The following CRAT variants were observed in gnomAD, a reference collection of about 807,000 sequenced individuals.
The protein encoded by CRAT is carnitine acetylase.
CRAT carries 66 observed loss-of-function variants against 73.7 expected under a neutral mutation model. The observed-to-expected ratio is 0.90, with a 90% CI of 0.73 to 1.10. The LOEUF is 1.10. Ranked by LOEUF, CRAT falls within the 50% of genes least tolerant of loss-of-function variation. The pLI is 0.00. For synonymous variants in CRAT, 321 were observed against 343.2 expected (o/e 0.94, Z 0.71); for missense variants, 745 against 846.9 (o/e 0.88, Z 1.49).
At chr9:129,108,958 T>A (rs1848193369) in intron 1 of CRAT, 1 of 1,243,992 alleles carries the variant, frequency 8.0e-7, no homozygotes, top group South Asian at 1.4e-5. Flanking sequence ...GCAGTGGCGA[T>A]GGCTGTGGTG....
Position 129,110,437 on chromosome 9 carries a change from G to C in CRAT, c.27+46C>G. 1.3e-6 allele frequency: 2 copies of C among 1,528,166 alleles called. No homozygotes were observed. The highest frequency in any genetic ancestry group is 2.9e-5 in the African/African-American group (2 of 69,978). The allele number at this position is 1,528,166 out of a possible 1,614,324, so 94.7% of individuals were successfully genotyped here. On this transcript the variant is annotated intron_variant, in intron 1 of 13. Coordinates refer to ENST00000318080, the MANE Select transcript of CRAT (RefSeq NM_000755.5). The surrounding 1 kb of genome is among the most constrained non-coding windows in gnomAD (Gnocchi z 5.3). Reference sequence around the variant, plus strand: ...GTTCCCGGACGCAACCGCACGGCCCGCCCAGGCCGTCCAGGGCCCTCAGGC... The same window carrying C: ...GTTCCCGGACGCAACCGCACGGCCCCCCCAGGCCGTCCAGGGCCCTCAGGC...
chr9:129,102,972 C>CCTGGGCAGGTGTGGGG (rs1847780813), intron 4 of CRAT, 41 bp downstream of exon 4: 1 of 1,581,774 alleles, frequency 6.3e-7, no homozygotes, highest in Non-Finnish European at 8.7e-7. Flanking sequence ...ATTAAGCAGG[C>CCTGGGCAGGTGTGGGG]CTGGGCAGGT....
chr9:129,109,304 C>G (rs1363895044), intron 1 of CRAT: 9 of 1,300,672 alleles, frequency 6.9e-6, no homozygotes, highest in Non-Finnish European at 7.1e-6. Flanking sequence ...TGCAAGGGAG[C>G]AGACACCAGG....
rs959328458 is a variant in CRAT, at chr9:129,104,283, G to A, written c.315C>T (p.Thr105=). 4.3e-6 allele frequency: 7 copies of A among 1,613,300 alleles called. No individual in the cohort carries two copies. The highest frequency in any genetic ancestry group is 5.9e-6 in the Non-Finnish European group (7 of 1,179,738). ...CAGGCTGGCGGTACTGGAGGTAGGC[G>A]GTCTTGAGCCACCACTCAGACAGCT... ...ENWLSEWWLK[T]AYLQYRQPVV... is the part of the protein sequence containing the mutation. Residue 105 remains threonine (T), a synonymous_variant, in exon 3 of 14, where the codon ACC becomes ACT. Transcript: ENST00000318080.
At chr9:129,100,729 T>C in intron 6 of CRAT, 40 bp from the exon 7 acceptor site, 1 of 1,587,730 alleles carries the variant, frequency 6.3e-7, no homozygotes, top group Non-Finnish European at 8.6e-7. Flanking sequence ...AAATGGGGTC[T>C]CATGGTGTGG....
Position 129,106,570 on chromosome 9 carries a change from G to A in CRAT, c.291+1244C>T, listed in dbSNP as rs1848027448. Among the ~76,000 whole-genome samples the A allele has an allele frequency of 6.6e-6, 1 of 152,246 alleles. No homozygotes were observed. Among genetic ancestry groups the A allele is most frequent in the South Asian group, 2.1e-4 (1 of 4,828 alleles). On this transcript the variant is annotated intron_variant, in intron 2 of 13. Coordinates refer to ENST00000318080, the MANE Select transcript of CRAT (RefSeq NM_000755.5). The surrounding 1 kb of genome is among the most constrained non-coding windows in gnomAD (Gnocchi z 4.0). Reference sequence around the variant, plus strand: ...GAGCTTCTGTTTGAAGGAGTCCCAGGCTAAATGAAGTCGGAAAACCACCAG... The same window carrying A: ...GAGCTTCTGTTTGAAGGAGTCCCAGACTAAATGAAGTCGGAAAACCACCAG...
Position 129,110,195 on chromosome 9 carries a change from C to A in CRAT, c.27+288G>T, listed in dbSNP as rs141052731. Among the ~76,000 whole-genome samples the A allele has an allele frequency of 1.3e-3, 204 of 152,170 alleles. No homozygotes were observed. Among genetic ancestry groups the A allele is most frequent in the Middle Eastern group, 6.8e-3 (2 of 294 alleles). On this transcript the variant is annotated intron_variant, in intron 1 of 13. Coordinates refer to ENST00000318080, the MANE Select transcript of CRAT (RefSeq NM_000755.5). The surrounding 1 kb of genome is among the most constrained non-coding windows in gnomAD (Gnocchi z 5.3). Reference sequence around the variant, plus strand: ...GATGCTCCTGGTCTCTCTCCCCTACCGGCCTGTCTCTGGGTCTAAGGGTGG... The same window carrying A: ...GATGCTCCTGGTCTCTCTCCCCTACAGGCCTGTCTCTGGGTCTAAGGGTGG...
intron 12 of CRAT, 37 bp downstream of exon 12, chr9:129,097,213 A>T: frequency 6.6e-7 from 1 of 1,512,260 alleles, no homozygotes; most frequent in East Asian, 2.5e-5. Context: ...GGCTGACACT[A>T]AGGGACAAGT....
At position 129,096,058 on chromosome 9, in the gene CRAT, G is replaced by A. The variant is rs920445276; in HGVS notation, c.1605C>T (p.Pro535=). The A allele has an allele frequency of 2.5e-6, 4 of 1,613,926 alleles. No homozygotes were observed. The highest frequency in any genetic ancestry group is 2.7e-5 in the African/African-American group (2 of 74,940). ...LQAIEDLVSM[P]DIFMDTSYAI... is the part of the protein sequence containing the mutation. ...CGTAGGAGGTGTCCATGAAGATGTC[G>A]GGCATGCTCACCAGGTCCTCGATGG... The change falls in exon 13 of 14, where the codon CCC becomes CCT. Residue 535 remains proline (P), a synonymous_variant. Transcript: ENST00000318080.
In CRAT at chr9:129,110,088, C is replaced by T. The variant is rs1848314353; in HGVS notation, c.27+395G>A. Among the ~76,000 whole-genome samples, 2 of 152,154 alleles carry T rather than the reference C, an allele frequency of 1.3e-5. No individual in the cohort carries two copies. Among genetic ancestry groups the T allele is most frequent in the African/African-American group, 4.8e-5 (2 of 41,440 alleles). On this transcript the variant is annotated intron_variant, in intron 1 of 13. Transcript: ENST00000318080. This position sits in a 1 kb window ranked among gnomAD's most constrained non-coding sequence, Gnocchi z 5.3. ...AACCAAAGGAGTGTGACCAACTGGA[C>T]AGGGTCGGAGGAGTGGCTCTGGCCT...
In CRAT at chr9:129,110,440, C is replaced by T; in HGVS notation, c.27+43G>A. ...CCCGGACGCAACCGCACGGCCCGCCCAGGCCGTCCAGGGCCCTCAGGCCCG... is the reference window on the plus strand; with the variant it reads ...CCCGGACGCAACCGCACGGCCCGCCTAGGCCGTCCAGGGCCCTCAGGCCCG... On this transcript the variant is annotated intron_variant, in intron 1 of 13. Transcript: ENST00000318080. The surrounding 1 kb of genome is among the most constrained non-coding windows in gnomAD (Gnocchi z 5.3). 2.0e-6 allele frequency: 3 copies of T among 1,535,130 alleles called. No individual in the cohort carries two copies. In the South Asian group the frequency reaches 3.6e-5, roughly 18 times the overall value.
chr9:129,108,843 A>T (rs188934735), intron 1 of CRAT: 984 of 1,304,108 alleles, frequency 7.5e-4, no homozygotes, highest in Non-Finnish European at 9.5e-4. Context: ...TGGATCTCTA[A>T]GCCTAACTGT....
intron 4 of CRAT, 104 bp from the exon 5 acceptor site, chr9:129,102,669 C>A (rs1847762809): frequency 1.8e-5 from 24 of 1,335,652 alleles, no homozygotes; most frequent in Non-Finnish European, 2.3e-5. Context: ...CACACAGTGT[C>A]CCTGCTCCCA....
intron 8 of CRAT, among the ~76,000 whole-genome samples, chr9:129,099,333 C>T (rs574057977): frequency 4.6e-5 from 7 of 151,794 alleles, no homozygotes; most frequent in Non-Finnish European, 7.4e-5. Flanking sequence ...AGGGTTTCAC[C>T]ATGTTGGCCA....
At chr9:129,108,953 G>A (rs1848192176) in intron 1 of CRAT, 1 of 1,249,216 alleles carries the variant, frequency 8.0e-7, no homozygotes, top group South Asian at 1.4e-5. Flanking sequence ...AGGTGGCAGT[G>A]GCGATGGCTG....
In CRAT at chr9:129,095,329, A is replaced by C; in HGVS notation, c.*68T>G. 6.7e-7 allele frequency: 1 copy of C among 1,503,616 alleles called. No homozygotes were observed. Among genetic ancestry groups the C allele is most frequent in the Non-Finnish European group, 9.1e-7 (1 of 1,095,898 alleles). The allele number at this position is 1,503,616 out of a possible 1,614,324, so 93.1% of individuals were successfully genotyped here. On this transcript the variant is annotated 3_prime_UTR_variant, in exon 14 of 14. Coordinates refer to ENST00000318080, the MANE Select transcript of CRAT (RefSeq NM_000755.5). ...CAAGGAAGAGGGAACCAAGGAGCTG[A>C]GCCCTGGTGGGTGGCCCATCCCAGG...
Position 129,107,584 on chromosome 9 carries a change from CA to C in CRAT, c.291+229del, listed in dbSNP as rs1225467835. The C allele has an allele frequency of 1.4e-6, 1 of 711,492 alleles. No individual in the cohort carries two copies. The allele number at this position is 711,492 out of a possible 1,614,324, so 44.1% of individuals were successfully genotyped here. A position where few individuals can be genotyped will look rare whatever the true frequency, so the allele number is the denominator to read the frequency against. ...GTCCTGGAACATGAAACCTTGTCCA[CA>C]ACCTGTATCCTGTTCATTACCTTTC... is the stretch of plus-strand genomic sequence containing the variant. On this transcript the variant is annotated intron_variant, in intron 2 of 13. Coordinates refer to ENST00000318080, the MANE Select transcript of CRAT (RefSeq NM_000755.5). This position sits in a 1 kb window ranked among gnomAD's most constrained non-coding sequence, Gnocchi z 5.0.
intron 7 of CRAT, 156 bp from the exon 8 acceptor site, chr9:129,100,122 G>A (rs964974216): frequency 1.7e-6 from 1 of 605,648 alleles, no homozygotes; most frequent in Non-Finnish European, 2.9e-6. Flanking sequence ...CACTCACCAG[G>A]TGCCCTGGTG....
intron 12 of CRAT, among the ~76,000 whole-genome samples, chr9:129,096,592 A>C (rs2131435410): frequency 6.6e-6 from 1 of 152,362 alleles, no homozygotes; most frequent in Non-Finnish European, 1.5e-5. Context: ...CACCTCCCTG[A>C]CTGCAGCCCA....
Sources: allele counts gnomAD v4.1 joint callset (sites outside exome capture counted in the v4.1 genomes callset), GRCh38; gene constraint gnomAD v4.1.1; non-coding constraint Gnocchi (gnomAD v3.1); transcripts MANE v1.5; gene names NCBI Gene and HGNC (gene_info 2026-07-23, HGNC 2026-07-21).